The following KDM1B variants were observed in gnomAD, a reference collection of about 807,000 sequenced individuals.
KDM1B encodes the protein lysine demethylase 1B, also known as lysine-specific histone demethylase 2.
A neutral mutation model predicts 107.4 loss-of-function variants in KDM1B; 63 were observed. The ratio of observed to expected loss-of-function variants is 0.59; its 90% CI spans 0.48 to 0.72. The LOEUF is 0.72. KDM1B is among the 30% of genes least tolerant of loss of function. The probability of loss-of-function intolerance (pLI) is 0.00; values close to 1 mark genes in which losing one functional copy is unlikely to be tolerated. For missense variants in KDM1B, 749 were observed against 1,020.8 expected (o/e 0.73, Z 3.63); for synonymous variants, 363 against 363.9 (o/e 1.00, Z 0.03).
At chr6:18,221,239 C>T (rs1044067532) in intron 21 of KDM1B, among the ~76,000 whole-genome samples, 1 of 152,094 alleles carries the variant, frequency 6.6e-6, no homozygotes, top group Non-Finnish European at 1.5e-5. Context: ...CCATTTTCTG[C>T]TGTCTGTTCA....
intron 16 of KDM1B, 113 bp downstream of exon 16, chr6:18,207,642 C>A: frequency 2.3e-6 from 3 of 1,301,788 alleles, no homozygotes; most frequent in Non-Finnish European, 2.2e-6. Context: ...TAGCCAGGGT[C>A]TAGAAGTACT....
chr6:18,181,635 A>G (rs759150709), intron 7 of KDM1B, among the ~76,000 whole-genome samples: 10 of 152,130 alleles, frequency 6.6e-5, no homozygotes, highest in Non-Finnish European at 1.3e-4. Context: ...AGTCCCGGCT[A>G]CTTGGGAGAC....
intron 21 of KDM1B, among the ~76,000 whole-genome samples, chr6:18,220,797 AG>A (rs970808838): frequency 1.4e-5 from 2 of 142,996 alleles, no homozygotes; most frequent in Non-Finnish European, 3.0e-5. Context: ...TTTGAGATGG[AG>A]TCTCGCTGTG....
chr6:18,195,986 C>T (rs1455668854), intron 10 of KDM1B, among the ~76,000 whole-genome samples: 1 of 152,110 alleles, frequency 6.6e-6, no homozygotes, highest in Non-Finnish European at 1.5e-5. Context: ...CATCTCCCCG[C>T]TATTCCCCCT....
chr6:18,191,445 T>C lies in KDM1B; in HGVS notation c.969+64T>C. On this transcript the variant is annotated intron_variant, in intron 10 of 21. Transcript: ENST00000650836. This position sits in a 1 kb window ranked among gnomAD's most constrained non-coding sequence, Gnocchi z 5.1. ...GAGGACCATGTTGAAAAGGAGGGGA[T>C]ACTTCATCTGGGGATGGAACCTTTT... The C allele has an allele frequency of 6.9e-7, 1 of 1,456,236 alleles. No homozygotes were observed. The highest frequency in any genetic ancestry group is 9.3e-7 in the Non-Finnish European group (1 of 1,081,032). The allele number at this position is 1,456,236 out of a possible 1,614,324, so 90.2% of individuals were successfully genotyped here.
At position 18,191,083 on chromosome 6, in the gene KDM1B, A is replaced by G. The variant is rs1351501198; in HGVS notation, c.785-114A>G. The G allele has an allele frequency of 1.5e-5, 11 of 746,814 alleles. No homozygotes were observed. The South Asian group carries it at 2.0e-4, about 14-fold the overall frequency. The allele number at this position is 746,814 out of a possible 1,614,324, so 46.3% of individuals were successfully genotyped here. A position where few individuals can be genotyped will look rare whatever the true frequency, so the allele number is the denominator to read the frequency against. ...GTGGAGGAAGCAAAGGTATTTATGT[A>G]GGGTAGAGAGTGGAGCTTGTCTAGG... On this transcript the variant is annotated intron_variant, in intron 9 of 21. Transcript: ENST00000650836. This position sits in a 1 kb window ranked among gnomAD's most constrained non-coding sequence, Gnocchi z 5.1.
intron 9 of KDM1B, among the ~76,000 whole-genome samples, chr6:18,189,637 A>C (rs1006266013): frequency 6.6e-6 from 1 of 152,226 alleles, no homozygotes; most frequent in African/African-American, 2.4e-5. Flanking sequence ...GGTATTGTAC[A>C]CATTAAAAAG....
Position 18,161,427 on chromosome 6 carries a change from CTG to C in KDM1B, c.193_194del (p.Cys65LeufsTer6), listed in dbSNP as rs1251329476. On this transcript the variant is annotated frameshift_variant, in exon 4 of 22. Coordinates refer to ENST00000650836, the MANE Select transcript of KDM1B (RefSeq NM_001364614.2). LOFTEE classifies it high-confidence loss of function. ...AAGGCAGGCTGTACGGCAACATGTC[CTG>C]TGTGCTTTGCAAGTGCTTCTGAAAG... is the stretch of plus-strand genomic sequence containing the variant. The C allele has an allele frequency of 1.9e-6, 3 of 1,614,016 alleles. No homozygotes were observed. Among genetic ancestry groups the C allele is most frequent in the Non-Finnish European group, 1.7e-6 (2 of 1,179,992 alleles).
At position 18,160,002 on chromosome 6, in the gene KDM1B, T is replaced by A. The variant is rs1352545629; in HGVS notation, c.87+20T>A. ...AGGCAGGTAGTGTTCATTTATTCAT[T>A]CAACAAGCCTTTTTTGAGCATGCAG... On this transcript the variant is annotated intron_variant, in intron 3 of 21. Transcript: ENST00000650836. 2 of 1,514,410 alleles carry A rather than the reference T, an allele frequency of 1.3e-6. No homozygotes were observed. The highest frequency in any genetic ancestry group is 1.8e-6 in the Non-Finnish European group (2 of 1,107,322). 93.8% of individuals were successfully genotyped at this position (1,514,410 alleles called of 1,614,324 possible).
Position 18,212,439 on chromosome 6 carries a change from G to A in KDM1B, c.1867-49G>A. The A allele has an allele frequency of 1.9e-6, 2 of 1,075,720 alleles. No individual in the cohort carries two copies. The highest frequency in any genetic ancestry group is 2.0e-4 in the Middle Eastern group (1 of 4,962). The allele number at this position is 1,075,720 out of a possible 1,614,324, so 66.6% of individuals were successfully genotyped here. A position where few individuals can be genotyped will look rare whatever the true frequency, so the allele number is the denominator to read the frequency against. ...TTGTTGATACCAGTGTAGTGGTAGT[G>A]TGAGGTTCTGTTGCTGTTTGTTTGT... On this transcript the variant is annotated intron_variant, in intron 17 of 21. Coordinates refer to ENST00000650836, the MANE Select transcript of KDM1B (RefSeq NM_001364614.2). This position sits in a 1 kb window ranked among gnomAD's most constrained non-coding sequence, Gnocchi z 5.2.
In KDM1B at chr6:18,201,782, C is replaced by A; in HGVS notation, c.1531+125C>A. The A allele has an allele frequency of 1.3e-6, 1 of 767,832 alleles. No individual in the cohort carries two copies. The highest frequency in any genetic ancestry group is 2.0e-6 in the Non-Finnish European group (1 of 490,176). The allele number at this position is 767,832 out of a possible 1,614,324, so 47.6% of individuals were successfully genotyped here. On this transcript the variant is annotated intron_variant, in intron 14 of 21. Coordinates refer to ENST00000650836, the MANE Select transcript of KDM1B (RefSeq NM_001364614.2). This position sits in a 1 kb window ranked among gnomAD's most constrained non-coding sequence, Gnocchi z 4.3. ...AACAGGGTAGCCCTCCTGAGCATTTCTTTTGGACTGATGGATTCTCCAAGT... is the reference window on the plus strand; with the variant it reads ...AACAGGGTAGCCCTCCTGAGCATTTATTTTGGACTGATGGATTCTCCAAGT...
chr6:18,222,422 C>G lies in KDM1B; in HGVS notation c.*430C>G. 3.2e-6 allele frequency: 1 copy of G among 309,214 alleles called. No individual in the cohort carries two copies. Among genetic ancestry groups the G allele is most frequent in the Non-Finnish European group, 6.3e-6 (1 of 158,532 alleles). The allele number at this position is 309,214 out of a possible 1,614,324, so 19.2% of individuals were successfully genotyped here. On this transcript the variant is annotated 3_prime_UTR_variant, in exon 22 of 22. Transcript: ENST00000650836. ...ATGTTTTTCTTCTGTGACAATTTATCAGTATCTTTACCAATGAGCCTTAAT... is the reference window on the plus strand; with the variant it reads ...ATGTTTTTCTTCTGTGACAATTTATGAGTATCTTTACCAATGAGCCTTAAT...
intron 2 of KDM1B, among the ~76,000 whole-genome samples, chr6:18,158,363 C>T (rs1384437782): frequency 2.0e-5 from 3 of 148,846 alleles, no homozygotes; most frequent in Non-Finnish European, 3.0e-5. Context: ...GAAAATCATC[C>T]GTAACATTGA....
intron 21 of KDM1B, among the ~76,000 whole-genome samples, chr6:18,218,976 C>T (rs1789456309): frequency 6.6e-6 from 1 of 152,172 alleles, no homozygotes; most frequent in Admixed American, 6.5e-5. Context: ...GATCTCAGCT[C>T]ACTGCAAGCT....
rs910327470 is a variant in KDM1B, at chr6:18,207,303, T to C, written c.1660-95T>C. The C allele has an allele frequency of 3.6e-6, 5 of 1,400,438 alleles. No individual in the cohort carries two copies. In the African/African-American group the frequency reaches 7.0e-5, roughly 20 times the overall value. 86.8% of individuals were successfully genotyped at this position (1,400,438 alleles called of 1,614,324 possible). On this transcript the variant is annotated intron_variant, in intron 15 of 21. Coordinates refer to ENST00000650836, the MANE Select transcript of KDM1B (RefSeq NM_001364614.2). ...CTGCCTGTCCCCTGCCCTCCTGCCT[T>C]GGTGGCTGTTCCCACCTGGAGCTCC...
intron 6 of KDM1B, among the ~76,000 whole-genome samples, chr6:18,169,267 C>T (rs1278286387): frequency 3.5e-5 from 5 of 143,226 alleles, no homozygotes; most frequent in Admixed American, 7.0e-5. Flanking sequence ...GAGTTTCGCT[C>T]TTGTCACCCA....
At chr6:18,185,191 T>C (rs1415464390) in intron 7 of KDM1B, among the ~76,000 whole-genome samples, 1 of 152,222 alleles carries the variant, frequency 6.6e-6, no homozygotes, top group Non-Finnish European at 1.5e-5. Flanking sequence ...TGTCAAATGA[T>C]TGTGCATTTT....
chr6:18,208,628 T>TATATATATATATATATA (rs1491350264), intron 17 of KDM1B, among the ~76,000 whole-genome samples: 29 of 16,198 alleles, frequency 1.8e-3, no homozygotes, highest in South Asian at 0.016. Context: ...TATATATATA[T>TATATATATATATATATA]TTTTTTTTTT....
In KDM1B at chr6:18,186,011, A is replaced by G. The variant is rs921876374; in HGVS notation, c.573+201A>G. 1.3e-5 allele frequency among the ~76,000 whole-genome samples: 2 copies of G among 152,236 alleles called. No homozygotes were observed. Among genetic ancestry groups the G allele is most frequent in the African/African-American group, 4.8e-5 (2 of 41,456 alleles). Reference sequence around the variant, plus strand: ...TAGTCCTGTCCCCAACTTAAAAAATAAAAATAAAGTTATGTTGCTTTTCAT... The same window carrying G: ...TAGTCCTGTCCCCAACTTAAAAAATGAAAATAAAGTTATGTTGCTTTTCAT... On this transcript the variant is annotated intron_variant, in intron 8 of 21. Coordinates refer to ENST00000650836, the MANE Select transcript of KDM1B (RefSeq NM_001364614.2). This position sits in a 1 kb window ranked among gnomAD's most constrained non-coding sequence, Gnocchi z 5.6.
Sources: gnomAD v4.1 joint callset for allele counts (sites outside exome capture counted in the v4.1 genomes callset) on GRCh38, gnomAD v4.1.1 for gene constraint, Gnocchi (gnomAD v3.1) non-coding constraint, MANE v1.5 for transcripts, NCBI Gene and HGNC (gene_info 2026-07-23, HGNC 2026-07-21) for gene names.